Variants in ZC3H18 observed in about 807,000 individuals in gnomAD.
ZC3H18 encodes zinc finger CCCH domain-containing protein 18.
Under a neutral mutation model 106.1 loss-of-function variants are expected in ZC3H18, and 8 were observed. The observed-to-expected ratio is 0.08, with a 90% CI of 0.04 to 0.14. The LOEUF is 0.14. ZC3H18 is among the 10% of genes least tolerant of loss of function. The probability of loss-of-function intolerance (pLI) is 1.00; values close to 1 mark genes in which losing one functional copy is unlikely to be tolerated. For missense variants in ZC3H18, 1,318 were observed against 1,278.4 expected (o/e 1.03, Z -0.47); for synonymous variants, 635 against 522.1 (o/e 1.22, Z -2.95).
rs1275759256 is a variant in ZC3H18 at position 88,598,603 on chromosome 16, T to C, written c.838-17T>C. On this transcript the variant is annotated splice_polypyrimidine_tract_variant and intron_variant, in intron 4 of 17. Coordinates refer to ENST00000301011, the MANE Select transcript of ZC3H18 (RefSeq NM_144604.4). The stretch of plus-strand genomic sequence containing the variant: ...AAGTTTTACTTTCTCACCTTCTCCC[T>C]TCTCGTTTTTCAATAGGGTGGGCCG... 1 of 1,600,008 alleles carries C rather than the reference T, an allele frequency of 6.2e-7. No homozygotes were observed. The highest frequency in any genetic ancestry group is 2.2e-5 in the East Asian group (1 of 44,520).
chr16:88,583,437 GGC>G (rs1470049266), intron 2 of ZC3H18, among the ~76,000 whole-genome samples: 2 of 152,198 alleles, frequency 1.3e-5, no homozygotes, highest in Non-Finnish European at 2.9e-5. Context: ...CCTGCTCTGG[GGC>G]ACTTGCCCCG....
chr16:88,604,035 G>A (rs1005931196), intron 6 of ZC3H18, among the ~76,000 whole-genome samples: 2 of 152,064 alleles, frequency 1.3e-5, no homozygotes, highest in African/African-American at 4.8e-5. Context: ...ACTTTGTTCA[G>A]GTACCATCTG....
At chr16:88,623,933 C>T (rs1436954416) in intron 10 of ZC3H18, 25 bp from the exon 11 acceptor site, 2 of 1,593,054 alleles carry the variant, frequency 1.3e-6, no homozygotes, top group Admixed American at 3.4e-5. Context: ...CAGGCCCCTT[C>T]CGACACCTTT....
chr16:88,618,005 G>C (rs1408350963), intron 8 of ZC3H18, among the ~76,000 whole-genome samples: 1 of 152,218 alleles, frequency 6.6e-6, no homozygotes, highest in Non-Finnish European at 1.5e-5. Context: ...CAGCCTTCTG[G>C]GTAAGGGACT....
chr16:88,614,235 G>A (rs1269972528), intron 8 of ZC3H18, among the ~76,000 whole-genome samples: 4 of 152,254 alleles, frequency 2.6e-5, no homozygotes, highest in Admixed American at 2.6e-4. Context: ...GCCACACAGT[G>A]GCCACACTTG....
chr16:88,581,136 T>C (rs1198982437), intron 2 of ZC3H18, among the ~76,000 whole-genome samples: 1 of 152,226 alleles, frequency 6.6e-6, no homozygotes, highest in African/African-American at 2.4e-5. Flanking sequence ...CATTCTTTTC[T>C]CTTTTTCTTA....
chr16:88,580,717 C>G (rs1403169211), intron 2 of ZC3H18, among the ~76,000 whole-genome samples: 1 of 152,168 alleles, frequency 6.6e-6, no homozygotes, highest in Non-Finnish European at 1.5e-5. Flanking sequence ...ACTGGGAGCC[C>G]TGGGGTGCGC....
At chr16:88,598,388 A>T (rs1904561533) in intron 4 of ZC3H18, 62 bp downstream of exon 4, 1 of 1,549,206 alleles carries the variant, frequency 6.5e-7, no homozygotes, top group African/African-American at 1.4e-5. Flanking sequence ...TCTGAATCTC[A>T]AGCTTAAGAC....
intron 6 of ZC3H18, among the ~76,000 whole-genome samples, chr16:88,605,609 A>G (rs4782379): frequency 2.0e-5 from 3 of 152,106 alleles, no homozygotes; most frequent in Admixed American, 6.5e-5. Context: ...GAATTGTGCA[A>G]ATGCAAGTTG....
chr16:88,599,915 A>T lies in ZC3H18; in HGVS notation c.1055A>T (p.Asn352Ile). 1 of 1,614,226 alleles carries T rather than the reference A, an allele frequency of 6.2e-7. No individual in the cohort carries two copies. Among genetic ancestry groups the T allele is most frequent in the Non-Finnish European group, 8.5e-7 (1 of 1,180,032 alleles). ...GAAAATGAAGTTTTTCGAGATTGGAATTCTCGGATCCCGAGAGATGTCAGA... is the reference window on the plus strand; with the variant it reads ...GAAAATGAAGTTTTTCGAGATTGGATTTCTCGGATCCCGAGAGATGTCAGA... Reference protein sequence around the residue: ...DKENEVFRDWNSRIPRDVRDT... With the variant: ...DKENEVFRDWISRIPRDVRDT... The change falls in exon 6 of 18, where the codon AAT becomes ATT. Residue 352 changes from asparagine (N) to isoleucine (I), a missense_variant. This residue lies in a region of ZC3H18 where 848 missense variants were observed against 821.7 expected (regional missense o/e 1.03). Transcript: ENST00000301011.
rs1313780128 is a variant in ZC3H18 at position 88,611,482 on chromosome 16, AGGAGCG to A, written c.1426_1431del (p.Arg476_Glu477del). ...CAGCACCGTGACCGCGACCGGGAGA[AGGAGCG>A]GGAGAAGGAGAAGGGGAAGCCCAAG... On this transcript the variant is annotated inframe_deletion, in exon 8 of 18. Transcript: ENST00000301011. 15 of 1,550,160 alleles carry A rather than the reference AGGAGCG, an allele frequency of 9.7e-6. No homozygotes were observed. The highest frequency in any genetic ancestry group is 2.0e-5 in the Admixed American group (1 of 50,970).
rs967963377 is a variant in ZC3H18 at position 88,570,468 on chromosome 16, G to C, written c.-113G>C. On this transcript the variant is annotated 5_prime_UTR_variant, in exon 1 of 18. Transcript: ENST00000301011. ...GTTTGTTCCGCCCGTGTCGAGCCTG[G>C]AGCCAGAACCTGTGAAGAGCGGAAG... The C allele has an allele frequency of 5.3e-5, 8 of 151,942 alleles. No individual in the cohort carries two copies. Among genetic ancestry groups the C allele is most frequent in the African/African-American group, 1.9e-4 (8 of 41,372 alleles). 9.4% of individuals were successfully genotyped at this position (151,942 alleles called of 1,614,324 possible).
intron 5 of ZC3H18, among the ~76,000 whole-genome samples, chr16:88,599,320 G>A (rs1283457094): frequency 1.3e-5 from 2 of 152,212 alleles, no homozygotes; most frequent in African/African-American, 2.4e-5. Context: ...CTAGGCCCAC[G>A]TTGGCCCCAG....
Position 88,628,040 on chromosome 16 carries a change from C to A in ZC3H18, c.2390C>A (p.Pro797His). 1 of 1,614,100 alleles carries A rather than the reference C, an allele frequency of 6.2e-7. No individual in the cohort carries two copies. The highest frequency in any genetic ancestry group is 1.3e-5 in the African/African-American group (1 of 75,034). ...GGKSSQQPST[P>H]QQAPPGQPQQ... ...AAGTCCTCCCAGCAGCCCTCGACAC[C>A]CCAGCAGGCACCCCCCGGGCAGCCC... Residue 797 changes from proline (P) to histidine (H), a missense_variant, in exon 15 of 18, where the codon CCC becomes CAC. Physicochemically the swap from Pro to His is moderately conservative, Grantham distance 77. Around this residue, in one of 6 missense-constraint regions of ZC3H18, gnomAD observed 848 missense variants for 821.7 expected, o/e 1.03. Transcript: ENST00000301011.
intron 2 of ZC3H18, among the ~76,000 whole-genome samples, chr16:88,580,038 C>T (rs1030092898): frequency 1.2e-4 from 18 of 152,162 alleles, no homozygotes; most frequent in Non-Finnish European, 4.4e-5. Flanking sequence ...CCCGTGGTCT[C>T]CTCTTGTTCC....
At chr16:88,597,741 A>G (rs1904515251) in intron 3 of ZC3H18, among the ~76,000 whole-genome samples, 1 of 152,208 alleles carries the variant, frequency 6.6e-6, no homozygotes, top group Non-Finnish European at 1.5e-5. Context: ...CCCTGAGCAC[A>G]CCTGCAGGCT....
chr16:88,625,210 T>A lies in ZC3H18; in HGVS notation c.2051T>A (p.Leu684Gln). ...PARTPPRRRT[L>Q]SGSGSGSGSS... ...TGTTGCTTGTATTACAGGCGGACGC[T>A]AAGCGGCAGCGGCAGTGGCAGTGGT... The change falls in exon 13 of 18, where the codon CTA becomes CAA. Residue 684 changes from leucine to glutamine, a missense_variant. Transcript: ENST00000301011. 6.3e-7 allele frequency: 1 copy of A among 1,590,428 alleles called. No individual in the cohort carries two copies. Among genetic ancestry groups the A allele is most frequent in the Non-Finnish European group, 8.6e-7 (1 of 1,168,770 alleles).
At chr16:88,587,945 G>A (rs76002325) in intron 3 of ZC3H18, among the ~76,000 whole-genome samples, 7 of 152,320 alleles carry the variant, frequency 4.6e-5, no homozygotes, top group Non-Finnish European at 1.0e-4. Flanking sequence ...TCCTGTGGGT[G>A]TGTGCTTGCT....
chr16:88,574,271 G>C (rs1161408080), intron 1 of ZC3H18, among the ~76,000 whole-genome samples: 1 of 151,886 alleles, frequency 6.6e-6, no homozygotes, highest in Admixed American at 6.6e-5. Flanking sequence ...GTGCAGTGGT[G>C]TGATCTCGGC....
Sources: allele counts gnomAD v4.1 joint callset (sites outside exome capture counted in the v4.1 genomes callset), GRCh38; gene constraint gnomAD v4.1.1; regional missense constraint gnomAD v4.1.1; transcripts MANE v1.5; gene names NCBI Gene and HGNC (gene_info 2026-07-23, HGNC 2026-07-21).